Variants in SMYD3 observed in about 807,000 individuals in gnomAD.
SMYD3 encodes the protein SET and MYND domain containing 3, also known as histone-lysine N-methyltransferase SMYD3.
A neutral mutation model predicts 57.7 loss-of-function variants in SMYD3; 36 were observed. The observed-to-expected ratio is 0.62, with a 90% CI of 0.48 to 0.82. The LOEUF (loss-of-function observed/expected upper bound fraction) is 0.82. SMYD3 is among the 40% of genes least tolerant of loss of function. The probability of loss-of-function intolerance (pLI) is 0.00; values close to 1 mark genes in which losing one functional copy is unlikely to be tolerated. For synonymous variants in SMYD3, 211 were observed against 195.0 expected (o/e 1.08, Z -0.68); for missense variants, 515 against 538.8 (o/e 0.96, Z 0.44).
At chr1:246,261,414 A>G (rs550935688) in intron 5 of SMYD3, among the ~76,000 whole-genome samples, 1 of 151,616 alleles carries the variant, frequency 6.6e-6, no homozygotes, top group Admixed American at 6.6e-5. Context: ...TGCTTTAATG[A>G]TAATTCACAT....
chr1:245,860,819 T>C (rs1377354830), intron 9 of SMYD3, among the ~76,000 whole-genome samples: 1 of 152,232 alleles, frequency 6.6e-6, no homozygotes, highest in African/African-American at 2.4e-5. Flanking sequence ...GGATTAGATA[T>C]TTGACGAACT....
At chr1:246,038,005 T>C (rs746897666) in intron 5 of SMYD3, among the ~76,000 whole-genome samples, 1 of 152,190 alleles carries the variant, frequency 6.6e-6, no homozygotes, top group South Asian at 2.1e-4. Flanking sequence ...CCACAAACAA[T>C]ATGCAAACAA....
chr1:246,453,816 C>A (rs2067665144), intron 1 of SMYD3, among the ~76,000 whole-genome samples: 1 of 152,170 alleles, frequency 6.6e-6, no homozygotes, highest in South Asian at 2.1e-4. Flanking sequence ...CTTCTATTAC[C>A]AGCCCAAGAG....
intron 8 of SMYD3, among the ~76,000 whole-genome samples, chr1:245,905,763 C>G (rs891872377): frequency 1.3e-5 from 2 of 152,150 alleles, no homozygotes; most frequent in African/African-American, 4.8e-5. Flanking sequence ...TTGGGCGAGA[C>G]CCAGCACTGT....
rs568099810 is a variant in SMYD3 at position 245,800,034 on chromosome 1, G to A, written c.1077-35885C>T. Among the ~76,000 whole-genome samples the A allele has an allele frequency of 5.3e-5, 8 of 152,344 alleles. No homozygotes were observed. The East Asian group carries it at 9.6e-4, about 18-fold the overall frequency. On this transcript the variant is annotated intron_variant, in intron 10 of 11. Transcript: ENST00000490107. ...ACCCTGCAAAAACCGCTGTGCAGCC[G>A]TGGGCCTAAGGTATGTGCCCACTTC...
At chr1:246,411,846 G>GGAGA (rs1371967561) in intron 1 of SMYD3, among the ~76,000 whole-genome samples, 1 of 129,830 alleles carries the variant, frequency 7.7e-6, no homozygotes, top group Non-Finnish European at 1.6e-5. Flanking sequence ...GAGGGGGGAG[G>GGAGA]GATAGCATTA....
intron 10 of SMYD3, among the ~76,000 whole-genome samples, chr1:245,842,867 T>C (rs1317458398): frequency 6.6e-6 from 1 of 152,090 alleles, no homozygotes; most frequent in African/African-American, 2.4e-5. Context: ...CACCCTACCA[T>C]GCCCAGCTAA....
intron 10 of SMYD3, among the ~76,000 whole-genome samples, chr1:245,817,275 C>G (rs1340439958): frequency 7.0e-6 from 1 of 143,314 alleles, no homozygotes; most frequent in African/African-American, 2.7e-5. Flanking sequence ...AGGCACCCCC[C>G]AGCAGGGGCA....
intron 5 of SMYD3, among the ~76,000 whole-genome samples, chr1:246,221,384 G>A (rs550191385): frequency 7.8e-4 from 119 of 152,264 alleles, no homozygotes; most frequent in African/African-American, 2.4e-3. Flanking sequence ...AGGACCCACC[G>A]AATGGTGAGG....
chr1:245,754,182 G>T (rs1372049015), intron 11 of SMYD3, among the ~76,000 whole-genome samples: 1 of 151,958 alleles, frequency 6.6e-6, no homozygotes. Flanking sequence ...AGTAATTTTA[G>T]AATTGTGGTC....
chr1:246,287,826 A>G (rs1476497879), intron 5 of SMYD3, among the ~76,000 whole-genome samples: 1 of 152,182 alleles, frequency 6.6e-6, no homozygotes, highest in Admixed American at 6.5e-5. Context: ...CTTGACAGCC[A>G]AGCTTTGTCA....
intron 1 of SMYD3, among the ~76,000 whole-genome samples, chr1:246,395,456 A>G (rs959290768): frequency 1.3e-5 from 2 of 152,224 alleles, no homozygotes; most frequent in African/African-American, 4.8e-5. Context: ...CTTTTCAAAG[A>G]GTCATTTCAA....
chr1:246,374,942 A>C (rs1473435142), intron 1 of SMYD3, among the ~76,000 whole-genome samples: 1 of 152,050 alleles, frequency 6.6e-6, no homozygotes, highest in Non-Finnish European at 1.5e-5. Context: ...AAAATACAAA[A>C]ATCAGCAGGG....
At chr1:245,894,840 A>C (rs1444532937) in intron 8 of SMYD3, among the ~76,000 whole-genome samples, 1 of 152,172 alleles carries the variant, frequency 6.6e-6, no homozygotes, top group Non-Finnish European at 1.5e-5. Context: ...GGTAGAAAAG[A>C]ATGTGTGTGC....
At chr1:245,763,886 T>C (rs2045960426) in intron 11 of SMYD3, among the ~76,000 whole-genome samples, 155 bp downstream of exon 11, 1 of 152,192 alleles carries the variant, frequency 6.6e-6, no homozygotes, top group South Asian at 2.1e-4. Context: ...GCAGGTTTTT[T>C]CCAGAGTGGT....
intron 11 of SMYD3, among the ~76,000 whole-genome samples, chr1:245,759,793 C>T (rs932148769): frequency 6.6e-6 from 1 of 151,846 alleles, no homozygotes; most frequent in Non-Finnish European, 1.5e-5. Context: ...AAATGGATGC[C>T]GAGGGGAAAG....
chr1:246,311,490 G>A (rs1364504515), intron 5 of SMYD3, among the ~76,000 whole-genome samples: 5 of 152,340 alleles, frequency 3.3e-5, no homozygotes, highest in African/African-American at 1.2e-4. Flanking sequence ...AAACTCAGCA[G>A]TGTTGACAAA....
At chr1:246,382,149 C>G (rs1018374506) in intron 1 of SMYD3, among the ~76,000 whole-genome samples, 1 of 151,144 alleles carries the variant, frequency 6.6e-6, no homozygotes, top group African/African-American at 2.4e-5. Flanking sequence ...CCGCAGGCTC[C>G]GGGCCAGTTC....
intron 1 of SMYD3, among the ~76,000 whole-genome samples, chr1:246,411,223 A>C (rs1196652768): frequency 6.6e-6 from 1 of 152,220 alleles, no homozygotes; most frequent in Admixed American, 6.5e-5. Context: ...CACATGAAAA[A>C]ATGCTCATCA....
Sources: allele counts gnomAD v4.1 joint callset (sites outside exome capture counted in the v4.1 genomes callset), GRCh38; gene constraint gnomAD v4.1.1; transcripts MANE v1.5; gene names NCBI Gene and HGNC (gene_info 2026-07-23, HGNC 2026-07-21).